RNF144B: variants seen among roughly 807,000 people sequenced by gnomAD.
RNF144B encodes the protein ring finger protein 144B.
A neutral mutation model predicts 40.2 loss-of-function variants in RNF144B; 25 were observed. That is an observed-to-expected ratio of 0.62 (90% CI 0.45 to 0.87). The LOEUF (loss-of-function observed/expected upper bound fraction) is 0.87. Among genes scored for constraint, RNF144B ranks in the 40% least tolerant of loss-of-function variants. The pLI, the probability that RNF144B is intolerant of heterozygous loss-of-function variation, is 0.00. For missense variants in RNF144B, 365 were observed against 373.7 expected (o/e 0.98, Z 0.19); for synonymous variants, 145 against 136.3 (o/e 1.06, Z -0.44).
At chr6:18,438,797 GA>G (rs1758885153) in intron 3 of RNF144B, among the ~76,000 whole-genome samples, 1 of 152,070 alleles carries the variant, frequency 6.6e-6, no homozygotes, top group Admixed American at 6.6e-5. Context: ...TGTCCTGTAT[GA>G]ACTTACTGGA....
At chr6:18,396,807 T>TGGGA in intron 1 of RNF144B, 2 of 985,354 alleles carry the variant, frequency 2.0e-6, no homozygotes, top group South Asian at 9.4e-5. Context: ...AAGCATGAAC[T>TGGGA]GGGAGGAAGG....
Position 18,421,311 on chromosome 6 carries a change from CACACAT to C in RNF144B, c.166-6268_166-6263del, listed in dbSNP as rs777826829. Among the ~76,000 whole-genome samples, 376 of 132,718 alleles carry C rather than the reference CACACAT, an allele frequency of 2.8e-3. 4 individuals are homozygous for C. Among genetic ancestry groups the C allele is most frequent in the African/African-American group, 9.5e-3 (345 of 36,426 alleles). 87.1% of individuals were successfully genotyped at this position (132,718 alleles called of 152,430 possible). A position where few individuals can be genotyped will look rare whatever the true frequency, so the allele number is the denominator to read the frequency against. On this transcript the variant is annotated intron_variant, in intron 2 of 7. Transcript: ENST00000259939. ...ACACACACACACACACACACACACA[CACACAT>C]ATATATAAAATAAAATTACAGACCA... is the stretch of plus-strand genomic sequence containing the variant.
rs1758531032 is a variant in RNF144B, at chr6:18,425,500, A to C, written c.166-2081A>C. ...CCCCTGGGTGTTCGCCTGCCCATTG[A>C]CATTCTTCCCCATATTTCCTTGCTG... On this transcript the variant is annotated intron_variant, in intron 2 of 7. Coordinates refer to ENST00000259939, the MANE Select transcript of RNF144B (RefSeq NM_182757.4). This position sits in a 1 kb window ranked among gnomAD's most constrained non-coding sequence, Gnocchi z 4.2. Among the ~76,000 whole-genome samples the C allele has an allele frequency of 1.3e-5, 2 of 152,126 alleles. No homozygotes were observed. The highest frequency in any genetic ancestry group is 4.8e-5 in the African/African-American group (2 of 41,422).
chr6:18,459,463 T>C lies in RNF144B; in HGVS notation c.537-144T>C. Reference sequence around the variant, plus strand: ...TTCTTGTATGAGTTATCTGTACATCTAATAATGTTTTTGCCCACACCCTTT... The same window carrying C: ...TTCTTGTATGAGTTATCTGTACATCCAATAATGTTTTTGCCCACACCCTTT... On this transcript the variant is annotated intron_variant, in intron 5 of 7. Transcript: ENST00000259939. This position sits in a 1 kb window ranked among gnomAD's most constrained non-coding sequence, Gnocchi z 4.2. 1.5e-6 allele frequency: 1 copy of C among 684,510 alleles called. No individual in the cohort carries two copies. 42.4% of individuals were successfully genotyped at this position (684,510 alleles called of 1,614,324 possible). A position where few individuals can be genotyped will look rare whatever the true frequency, so the allele number is the denominator to read the frequency against.
At position 18,467,576 on chromosome 6, in the gene RNF144B, G is replaced by T. The variant is rs1252492110; in HGVS notation, c.*2509G>T. On this transcript the variant is annotated 3_prime_UTR_variant, in exon 8 of 8. Transcript: ENST00000259939. ...ACTAGGTTGGTTAAACATATCTCTG[G>T]TACATCAAGGGGCATGATACAAACC... 1 of 151,794 alleles carries T rather than the reference G, an allele frequency of 6.6e-6. No individual in the cohort carries two copies. Among genetic ancestry groups the T allele is most frequent in the African/African-American group, 2.4e-5 (1 of 41,300 alleles). The allele number at this position is 151,794 out of a possible 1,614,324, so 9.4% of individuals were successfully genotyped here. A position where few individuals can be genotyped will look rare whatever the true frequency, so the allele number is the denominator to read the frequency against.
chr6:18,464,788 A>T lies in RNF144B; in HGVS notation c.772-139A>T. On this transcript the variant is annotated intron_variant, in intron 7 of 7. Coordinates refer to ENST00000259939, the MANE Select transcript of RNF144B (RefSeq NM_182757.4). This position sits in a 1 kb window ranked among gnomAD's most constrained non-coding sequence, Gnocchi z 6.1. The stretch of plus-strand genomic sequence containing the variant: ...AGGCCTCGTCTCCAAATACCGTCAC[A>T]TCGGGGATTTAGGGTTTCAACATAT... 1 of 806,102 alleles carries T rather than the reference A, an allele frequency of 1.2e-6. No individual in the cohort carries two copies. 49.9% of individuals were successfully genotyped at this position (806,102 alleles called of 1,614,324 possible).
At chr6:18,417,420 T>C (rs1582414061) in intron 2 of RNF144B, among the ~76,000 whole-genome samples, 1 of 152,124 alleles carries the variant, frequency 6.6e-6, no homozygotes, top group African/African-American at 2.4e-5. Context: ...AATAAATAAA[T>C]AAATCTTATT....
In RNF144B at chr6:18,418,344, A is replaced by G. The variant is rs1582414757; in HGVS notation, c.166-9237A>G. Among the ~76,000 whole-genome samples the G allele has an allele frequency of 1.3e-5, 2 of 152,368 alleles. No individual in the cohort carries two copies. Among genetic ancestry groups the G allele is most frequent in the East Asian group, 3.9e-4 (2 of 5,192 alleles). On this transcript the variant is annotated intron_variant, in intron 2 of 7. Coordinates refer to ENST00000259939, the MANE Select transcript of RNF144B (RefSeq NM_182757.4). The surrounding 1 kb of genome is among the most constrained non-coding windows in gnomAD (Gnocchi z 5.2). ...CAAATGTCCATCAACTGATGAAAGT[A>G]TAAACAAAATGTGGTATATTCACAC...
chr6:18,460,249 C>G lies in RNF144B; in HGVS notation c.681+498C>G, dbSNP rs1759420911. The stretch of plus-strand genomic sequence containing the variant: ...GTCCGCTTTCCTTGGCTTGTGGCCT[C>G]TTCCTCCATCTTCAAAGCCAGCAAC... On this transcript the variant is annotated intron_variant, in intron 6 of 7. Transcript: ENST00000259939. The surrounding 1 kb of genome is among the most constrained non-coding windows in gnomAD (Gnocchi z 4.4). 3.9e-5 allele frequency among the ~76,000 whole-genome samples: 6 copies of G among 152,182 alleles called. No homozygotes were observed. In the South Asian group the frequency reaches 1.2e-3, roughly 32 times the overall value.
chr6:18,439,844 C>A, intron 4 of RNF144B, 100 bp downstream of exon 4: 1 of 763,546 alleles, frequency 1.3e-6, no homozygotes, highest in Non-Finnish European at 2.3e-6. Context: ...GGGCTGTCAA[C>A]AAAGCCTCAA....
At chr6:18,438,076 C>A (rs935944443) in intron 3 of RNF144B, among the ~76,000 whole-genome samples, 2 of 152,152 alleles carry the variant, frequency 1.3e-5, no homozygotes, top group Admixed American at 6.5e-5. Flanking sequence ...GTATCACCCC[C>A]CAAGTCATGT....
At chr6:18,408,486 T>C (rs1187494106) in intron 2 of RNF144B, among the ~76,000 whole-genome samples, 1 of 152,250 alleles carries the variant, frequency 6.6e-6, no homozygotes, top group Non-Finnish European at 1.5e-5. Context: ...CAAATTAGCA[T>C]GATCTTATTC....
At chr6:18,432,840 AT>A (rs1758723143) in intron 3 of RNF144B, among the ~76,000 whole-genome samples, 1 of 152,206 alleles carries the variant, frequency 6.6e-6, no homozygotes, top group Admixed American at 6.5e-5. Flanking sequence ...GAGCACTGAA[AT>A]GACCAGCCTG....
At chr6:18,462,768 C>G (rs1292689181) in intron 6 of RNF144B, among the ~76,000 whole-genome samples, 1 of 152,012 alleles carries the variant, frequency 6.6e-6, no homozygotes, top group Non-Finnish European at 1.5e-5. Context: ...ACTTATCTTC[C>G]CAACAAACTC....
chr6:18,428,827 A>G (rs1332081956), intron 3 of RNF144B, among the ~76,000 whole-genome samples: 1 of 152,182 alleles, frequency 6.6e-6, no homozygotes. Context: ...CCAAAACCAC[A>G]TATCTAGAAA....
intron 1 of RNF144B, among the ~76,000 whole-genome samples, chr6:18,391,914 A>G (rs928734326): frequency 6.6e-6 from 1 of 150,392 alleles, no homozygotes; most frequent in Non-Finnish European, 1.5e-5. Flanking sequence ...TAGATGTGCC[A>G]AGGGCCAGGC....
chr6:18,408,434 T>A (rs1001990530), intron 2 of RNF144B, among the ~76,000 whole-genome samples: 1 of 152,248 alleles, frequency 6.6e-6, no homozygotes, highest in African/African-American at 2.4e-5. Flanking sequence ...TACTAGTTAC[T>A]ATTTTAATAT....
intron 1 of RNF144B, among the ~76,000 whole-genome samples, chr6:18,388,414 T>C (rs1385754597): frequency 6.6e-6 from 1 of 152,166 alleles, no homozygotes; most frequent in Non-Finnish European, 1.5e-5. Context: ...GGAAGCAGAT[T>C]AGGGGGTGTC....
At chr6:18,463,963 TG>T (rs1759522428) in intron 7 of RNF144B, among the ~76,000 whole-genome samples, 1 of 152,114 alleles carries the variant, frequency 6.6e-6, no homozygotes. Flanking sequence ...AAGAACGGTA[TG>T]GGGGAAACCA....
Sources: gnomAD v4.1 joint callset for allele counts (sites outside exome capture counted in the v4.1 genomes callset) on GRCh38, gnomAD v4.1.1 for gene constraint, Gnocchi (gnomAD v3.1) non-coding constraint, MANE v1.5 for transcripts, NCBI Gene and HGNC (gene_info 2026-07-23, HGNC 2026-07-21) for gene names.